SLCO1B3: variants seen among roughly 807,000 people sequenced by gnomAD.
SLCO1B3 encodes the protein liver-specific organic anion transporter 2.
In SLCO1B3, 72 loss-of-function variants were observed where a neutral mutation model predicts 71.8. That is an observed-to-expected ratio of 1.00 (90% CI 0.83 to 1.22). The LOEUF (loss-of-function observed/expected upper bound fraction) is 1.22. Ranked by LOEUF, SLCO1B3 falls within the 50% of genes most tolerant of loss-of-function variation. The pLI is 0.00. For missense variants in SLCO1B3, 911 were observed against 819.7 expected, an observed-to-expected ratio of 1.11 and a Z score of -1.36; for synonymous variants, 298 against 278.4, an observed-to-expected ratio of 1.07 and a Z score of -0.70.
At chr12:20,875,535 G>C (rs1865565067) in intron 9 of SLCO1B3, 58 bp downstream of exon 9, 2 of 1,523,082 alleles carry the variant, frequency 1.3e-6, no homozygotes, top group Admixed American at 2.2e-5. Context: ...AAACGGAGAA[G>C]TGAGTAAAAA....
intron 3 of SLCO1B3, among the ~76,000 whole-genome samples, chr12:20,835,116 C>A (rs1864649295): frequency 6.6e-6 from 1 of 152,206 alleles, no homozygotes; most frequent in African/African-American, 2.4e-5. Context: ...ACAGTCCAAG[C>A]TGTACCTTGG....
At chr12:20,829,885 T>G (rs1269533582) in intron 3 of SLCO1B3, among the ~76,000 whole-genome samples, 3 of 152,118 alleles carry the variant, frequency 2.0e-5, no homozygotes, top group Non-Finnish European at 4.4e-5. Flanking sequence ...ATGGCGCTGG[T>G]GGGAGTGTAG....
intron 3 of SLCO1B3, among the ~76,000 whole-genome samples, chr12:20,827,470 A>G (rs1864446574): frequency 2.6e-5 from 4 of 152,212 alleles, no homozygotes; most frequent in Admixed American, 2.6e-4. Flanking sequence ...TACATGACAC[A>G]TAAATACGTA....
At position 20,855,094 on chromosome 12, in the gene SLCO1B3, T is replaced by G; in HGVS notation, c.151T>G (p.Ser51Ala). 3 of 1,612,126 alleles carry G rather than the reference T, an allele frequency of 1.9e-6. No individual in the cohort carries two copies. The highest frequency in any genetic ancestry group is 1.7e-6 in the Non-Finnish European group (2 of 1,179,186). Residue 51 changes from serine (S) to alanine (A), a missense_variant, in exon 4 of 16, where the codon TCC (serine) becomes GCC (alanine). Transcript: ENST00000381545. ...ACTAGGTGGAATCATTATGAAAATT[T>G]CCATCACTCAAATAGAAAGGAGATT... is the stretch of plus-strand genomic sequence containing the variant. The part of the protein sequence containing the change: ...KALGGIIMKI[S>A]ITQIERRFDI...
chr12:20,810,851 A>G (rs1226588128), intron 1 of SLCO1B3, 87 bp downstream of exon 1: 2 of 152,190 alleles, frequency 1.3e-5, no homozygotes, highest in Non-Finnish European at 2.9e-5. Context: ...TTTGGTAGTT[A>G]TGATAAATAT....
chr12:20,838,574 T>C (rs563281422), intron 3 of SLCO1B3, among the ~76,000 whole-genome samples: 40 of 152,198 alleles, frequency 2.6e-4, no homozygotes, highest in African/African-American at 9.4e-4. Context: ...CCTAGATAGA[T>C]TAGCCTGCTA....
chr12:20,861,409 C>T lies in SLCO1B3; in HGVS notation c.481+271C>T, dbSNP rs4762798. On this transcript the variant is annotated intron_variant, in intron 6 of 15. Transcript: ENST00000381545. ...GATGTGGAGGTCTGACTTCTATAGG[C>T]GGTTTCCACAGGGCAAATGAGAGGA... is the stretch of plus-strand genomic sequence containing the variant. 0.72 allele frequency among the ~76,000 whole-genome samples: 110,158 copies of T among 151,980 alleles called. 42,503 individuals carry two copies. Among genetic ancestry groups the T allele is most frequent in the South Asian group, 0.9 (4,341 of 4,822 alleles).
chr12:20,904,794 G>A (rs1201269857), intron 15 of SLCO1B3, among the ~76,000 whole-genome samples: 2 of 96,304 alleles, frequency 2.1e-5, no homozygotes, highest in African/African-American at 4.4e-5. Flanking sequence ...TTTTTCTTGA[G>A]ACAGTGTCTT....
chr12:20,858,268 A>G (rs1865181487), intron 4 of SLCO1B3, among the ~76,000 whole-genome samples, 171 bp from the exon 5 acceptor site: 1 of 152,110 alleles, frequency 6.6e-6, no homozygotes, highest in South Asian at 2.1e-4. Context: ...ATACTATACA[A>G]CTTTTCAATG....
chr12:20,824,270 G>A (rs761476109), intron 3 of SLCO1B3, among the ~76,000 whole-genome samples: 1 of 152,122 alleles, frequency 6.6e-6, no homozygotes, highest in Non-Finnish European at 1.5e-5. Flanking sequence ...GATTATTTCA[G>A]TCTTCTATTA....
intron 3 of SLCO1B3, among the ~76,000 whole-genome samples, chr12:20,830,239 T>TTACA (rs1378649092): frequency 2.0e-5 from 3 of 152,130 alleles, no homozygotes; most frequent in African/African-American, 7.2e-5. Flanking sequence ...GGTCACCAAT[T>TTACA]TACAAATTTG....
intron 7 of SLCO1B3, 73 bp downstream of exon 7, chr12:20,862,631 T>A: frequency 1.3e-6 from 2 of 1,489,192 alleles, no homozygotes; most frequent in Non-Finnish European, 1.8e-6. Flanking sequence ...ATGTCATTAT[T>A]TTTTTCTTTT....
intron 12 of SLCO1B3, 147 bp downstream of exon 12, chr12:20,881,167 C>A: frequency 1.8e-6 from 1 of 563,846 alleles, no homozygotes; most frequent in Non-Finnish European, 3.0e-6. Context: ...CTCGTGATAG[C>A]TGTGAAGTGT....
chr12:20,835,183 C>T (rs7958763), intron 3 of SLCO1B3, among the ~76,000 whole-genome samples: 9 of 152,162 alleles, frequency 5.9e-5, no homozygotes, highest in Non-Finnish European at 1.2e-4. Context: ...CATGAGACTG[C>T]ACACAGCAGG....
chr12:20,872,222 C>T (rs571570990), intron 8 of SLCO1B3, among the ~76,000 whole-genome samples: 1 of 151,892 alleles, frequency 6.6e-6, no homozygotes, highest in Non-Finnish European at 1.5e-5. Context: ...AATTAAAGCT[C>T]TAGGGCTCTT....
At chr12:20,880,718 C>T (rs571150433) in intron 11 of SLCO1B3, 137 bp from the exon 12 acceptor site, 1 of 541,120 alleles carries the variant, frequency 1.8e-6, no homozygotes, top group East Asian at 3.3e-5. Context: ...AAAACCCTTT[C>T]TCTTATTTCT....
At chr12:20,881,879 A>G (rs917371272) in intron 12 of SLCO1B3, among the ~76,000 whole-genome samples, 1 of 152,190 alleles carries the variant, frequency 6.6e-6, no homozygotes, top group African/African-American at 2.4e-5. Flanking sequence ...ACACTCTTCC[A>G]TGCTTCAATT....
intron 8 of SLCO1B3, among the ~76,000 whole-genome samples, chr12:20,868,064 ATG>A (rs1865406990): frequency 6.6e-6 from 1 of 152,200 alleles, no homozygotes; most frequent in South Asian, 2.1e-4. Flanking sequence ...GATTTTCTAA[ATG>A]TCATTTTCTC....
intron 3 of SLCO1B3, among the ~76,000 whole-genome samples, chr12:20,850,545 G>A (rs1865005875): frequency 6.6e-6 from 1 of 152,132 alleles, no homozygotes; most frequent in Admixed American, 6.5e-5. Context: ...GCCTCCCAAA[G>A]CGCTGGGAAT....
Sources: gnomAD v4.1 joint callset for allele counts (sites outside exome capture counted in the v4.1 genomes callset) on GRCh38, gnomAD v4.1.1 for gene constraint, MANE v1.5 for transcripts, NCBI Gene and HGNC (gene_info 2026-07-23, HGNC 2026-07-21) for gene names.